The following ANKRD45 variants were observed in gnomAD, a reference collection of about 807,000 sequenced individuals.
ANKRD45 encodes ankyrin repeat domain 45, also known as ankyrin repeat domain-containing protein 45.
ANKRD45 carries 21 observed loss-of-function variants against 28.1 expected under a neutral mutation model. That is an observed-to-expected ratio of 0.75 (90% CI 0.53 to 1.08). The LOEUF (loss-of-function observed/expected upper bound fraction) is 1.08, where lower values mean the gene tolerates loss of function less well. Among genes scored for constraint, ANKRD45 ranks in the 50% least tolerant of loss-of-function variants. The pLI, the probability that ANKRD45 is intolerant of heterozygous loss-of-function variation, is 0.00. For missense variants in ANKRD45, 261 were observed against 308.7 expected, an observed-to-expected ratio of 0.85 and a Z score of 1.16; for synonymous variants, 86 against 103.9, an observed-to-expected ratio of 0.83 and a Z score of 1.05.
the ANKRD45 span, among the ~76,000 whole-genome samples, chr1:173,682,685 A>ACGCG: frequency 3.2e-5 from 1 of 31,462 alleles, no homozygotes; most frequent in African/African-American, 2.9e-4. Flanking sequence ...CCTTTTAAAT[A>ACGCG]CACACACACA....
intron 3 of ANKRD45, among the ~76,000 whole-genome samples, chr1:173,629,460 A>G (rs1198912350): frequency 6.6e-6 from 1 of 152,156 alleles, no homozygotes; most frequent in Non-Finnish European, 1.5e-5. Flanking sequence ...AGAGTTTGGA[A>G]CAACTTAAAA....
intron 3 of ANKRD45, among the ~76,000 whole-genome samples, chr1:173,642,727 A>G (rs993205703): frequency 1.3e-5 from 2 of 152,228 alleles, no homozygotes; most frequent in Non-Finnish European, 2.9e-5. Context: ...TGCCTCTCTC[A>G]GCATTCCACA....
chr1:173,691,019 A>G, the ANKRD45 span, among the ~76,000 whole-genome samples: 3 of 152,124 alleles, frequency 2.0e-5, no homozygotes, highest in East Asian at 1.9e-4. Context: ...GTGAGGTTCA[A>G]TCCCCCCCAG....
the ANKRD45 span, among the ~76,000 whole-genome samples, chr1:173,684,529 G>A: frequency 1.3e-5 from 2 of 152,168 alleles, no homozygotes; most frequent in African/African-American, 2.4e-5. Flanking sequence ...CATTACAGCT[G>A]TGAGGGAAGT....
chr1:173,678,912 A>G, the ANKRD45 span, among the ~76,000 whole-genome samples: 4 of 152,158 alleles, frequency 2.6e-5, no homozygotes, highest in African/African-American at 9.7e-5. Context: ...TACATCAATA[A>G]CAGAGAGCCA....
intron 5 of ANKRD45, among the ~76,000 whole-genome samples, chr1:173,615,142 C>G (rs896517126): frequency 1.3e-5 from 2 of 151,928 alleles, no homozygotes; most frequent in South Asian, 2.1e-4. Flanking sequence ...TTAAAAATGC[C>G]CCCCCAGACC....
chr1:173,642,800 C>T (rs1390664617), intron 3 of ANKRD45, among the ~76,000 whole-genome samples: 1 of 152,188 alleles, frequency 6.6e-6, no homozygotes, highest in Non-Finnish European at 1.5e-5. Flanking sequence ...TTCTAAGTTG[C>T]TAGCCAATCA....
chr1:173,612,985 G>C (rs1480524315), intron 5 of ANKRD45, among the ~76,000 whole-genome samples: 1 of 152,218 alleles, frequency 6.6e-6, no homozygotes, highest in Admixed American at 6.5e-5. Context: ...CCAAAATGCC[G>C]AGATTGCAGC....
At chr1:173,616,080 G>A (rs1014897698) in intron 5 of ANKRD45, among the ~76,000 whole-genome samples, 1 of 151,314 alleles carries the variant, frequency 6.6e-6, no homozygotes, top group Non-Finnish European at 1.5e-5. Context: ...TCCAGCCTGG[G>A]CAACAGAGTG....
the ANKRD45 span, among the ~76,000 whole-genome samples, chr1:173,694,542 T>TATTATC: frequency 7.7e-6 from 1 of 130,718 alleles, no homozygotes; most frequent in East Asian, 2.0e-4. Flanking sequence ...AGTTTATTAT[T>TATTATC]ATTATTATTA....
the ANKRD45 span, chr1:173,675,444 A>C: frequency 9.0e-6 from 2 of 221,410 alleles, no homozygotes; most frequent in Non-Finnish European, 1.9e-5. Context: ...AAAACCCCGT[A>C]TCTACTAAAC....
chr1:173,614,669 C>G (rs1410782765), intron 5 of ANKRD45, among the ~76,000 whole-genome samples: 2 of 152,058 alleles, frequency 1.3e-5, no homozygotes, highest in African/African-American at 4.8e-5. Flanking sequence ...TCTGAGGTTC[C>G]CAACACACAT....
the ANKRD45 span, among the ~76,000 whole-genome samples, chr1:173,687,142 G>A: frequency 6.6e-6 from 1 of 152,108 alleles, no homozygotes; most frequent in Non-Finnish European, 1.5e-5. Flanking sequence ...ACCTTTTAAT[G>A]TAGGTAAAAA....
In ANKRD45 at chr1:173,635,288, C is replaced by G; in HGVS notation, c.497-8129G>C. On this transcript the variant is annotated intron_variant, in intron 3 of 5. Transcript: ENST00000333279. The stretch of plus-strand genomic sequence containing the variant: ...GATGTCACTGAACTTATCCCTGAGT[C>G]ACTATGACTGATGATGTTACAATGA... 3 of 436,836 alleles carry G rather than the reference C, an allele frequency of 6.9e-6. No homozygotes were observed. The East Asian group carries it at 1.2e-4, about 17-fold the overall frequency. 27.1% of individuals were successfully genotyped at this position (436,836 alleles called of 1,614,324 possible). A position where few individuals can be genotyped will look rare whatever the true frequency, so the allele number is the denominator to read the frequency against.
rs924111267 is a variant in ANKRD45, at chr1:173,608,716, G to A, written c.*1429C>T. 2.7e-5 allele frequency among the ~76,000 whole-genome samples: 4 copies of A among 150,324 alleles called. No homozygotes were observed. Among genetic ancestry groups the A allele is most frequent in the African/African-American group, 9.9e-5 (4 of 40,544 alleles). On this transcript the variant is annotated 3_prime_UTR_variant, in exon 6 of 6. Coordinates refer to ENST00000333279, the MANE Select transcript of ANKRD45 (RefSeq NM_198493.3). ...GAGCTATGATCATGATAACTCCACTGCATTCCAGCCTGGGCAGGAGAGGCA... is the reference window on the plus strand; with the variant it reads ...GAGCTATGATCATGATAACTCCACTACATTCCAGCCTGGGCAGGAGAGGCA...
intron 5 of ANKRD45, among the ~76,000 whole-genome samples, chr1:173,623,057 T>C (rs1031461239): frequency 1.1e-4 from 17 of 151,860 alleles, no homozygotes; most frequent in Non-Finnish European, 8.8e-5. Context: ...GGCTCATGCC[T>C]GTAATCTCAG....
intron 3 of ANKRD45, among the ~76,000 whole-genome samples, chr1:173,634,283 C>G (rs1298279590): frequency 3.9e-5 from 6 of 151,926 alleles, no homozygotes; most frequent in African/African-American, 1.4e-4. Flanking sequence ...AATGACATAT[C>G]ATATCACCAT....
At chr1:173,677,347 T>A in the ANKRD45 span, among the ~76,000 whole-genome samples, 3 of 152,200 alleles carry the variant, frequency 2.0e-5, no homozygotes, top group African/African-American at 7.2e-5. Context: ...ATAAGCCTTT[T>A]ATAATCTTTA....
At chr1:173,667,217 G>C (rs2102402194) in intron 1 of ANKRD45, among the ~76,000 whole-genome samples, 1 of 152,270 alleles carries the variant, frequency 6.6e-6, no homozygotes, top group East Asian at 1.9e-4. Context: ...GCAACATTTT[G>C]CTTGATTTGA....
Sources: allele counts gnomAD v4.1 joint callset (sites outside exome capture counted in the v4.1 genomes callset), GRCh38; gene constraint gnomAD v4.1.1; transcripts MANE v1.5; gene names NCBI Gene and HGNC (gene_info 2026-07-23, HGNC 2026-07-21).